The following BNC2 variants were observed in gnomAD, a reference collection of about 807,000 sequenced individuals.
BNC2 encodes zinc finger protein basonuclin-2.
Under a neutral mutation model 76.3 loss-of-function variants are expected in BNC2, and 20 were observed. The ratio of observed to expected loss-of-function variants is 0.26; its 90% CI spans 0.18 to 0.38. The LOEUF (loss-of-function observed/expected upper bound fraction) is 0.38, where lower values mean the gene tolerates loss of function less well. BNC2 is among the 10% of genes least tolerant of loss of function. The pLI is 1.00. For synonymous variants in BNC2, 582 were observed against 514.8 expected, an observed-to-expected ratio of 1.13 and a Z score of -1.77; for missense variants, 1,382 against 1,399.8, an observed-to-expected ratio of 0.99 and a Z score of 0.20.
At chr9:16,715,126 T>C (rs917968948) in intron 3 of BNC2, among the ~76,000 whole-genome samples, 1 of 152,230 alleles carries the variant, frequency 6.6e-6, no homozygotes, top group Non-Finnish European at 1.5e-5. Context: ...AAAAGCTTTT[T>C]ATAGTTGAAT....
intron 5 of BNC2, among the ~76,000 whole-genome samples, chr9:16,485,573 A>C (rs1439014770): frequency 6.6e-6 from 1 of 152,196 alleles, no homozygotes; most frequent in East Asian, 1.9e-4. Flanking sequence ...CACTGGGCTC[A>C]TTTCATGTGG....
intron 1 of BNC2, among the ~76,000 whole-genome samples, chr9:16,813,597 T>C (rs1360366654): frequency 2.0e-5 from 3 of 152,166 alleles, no homozygotes; most frequent in Non-Finnish European, 2.9e-5. Flanking sequence ...CTTAAAAATC[T>C]ATCCTGAACC....
At chr9:16,437,615 G>A (rs900837076) in intron 5 of BNC2, 91 bp from the exon 6 acceptor site, 2 of 1,448,038 alleles carry the variant, frequency 1.4e-6, no homozygotes, top group Admixed American at 2.0e-5. Flanking sequence ...TGCTCTGTGT[G>A]CTCATAAAAC....
intron 5 of BNC2, among the ~76,000 whole-genome samples, chr9:16,536,859 G>C (rs1467841080): frequency 2.6e-5 from 4 of 152,050 alleles, no homozygotes; most frequent in Admixed American, 2.6e-4. Flanking sequence ...AACAAAAGCA[G>C]TTTTTATTAC....
chr9:16,799,401 A>T (rs1586893540), intron 1 of BNC2, among the ~76,000 whole-genome samples: 1 of 151,606 alleles, frequency 6.6e-6, no homozygotes, highest in African/African-American at 2.4e-5. Flanking sequence ...TGCAACCTCC[A>T]CCTCCCAGAT....
chr9:16,733,319 G>A (rs988779537), intron 2 of BNC2, among the ~76,000 whole-genome samples: 1 of 152,076 alleles, frequency 6.6e-6, no homozygotes, highest in Admixed American at 6.5e-5. Context: ...TTTTTCCCTT[G>A]TGAAACCTGC....
At chr9:16,627,472 G>A (rs533895883) in intron 3 of BNC2, among the ~76,000 whole-genome samples, 1 of 152,272 alleles carries the variant, frequency 6.6e-6, no homozygotes, top group South Asian at 2.1e-4. Context: ...GGTGATAACA[G>A]GCCAATATTC....
chr9:16,507,052 C>T (rs991874546), intron 5 of BNC2, among the ~76,000 whole-genome samples: 1 of 152,152 alleles, frequency 6.6e-6, no homozygotes, highest in Admixed American at 6.5e-5. Flanking sequence ...CCAAGCCCAG[C>T]CTACACTTCT....
intron 1 of BNC2, among the ~76,000 whole-genome samples, chr9:16,841,626 C>T (rs1264847989): frequency 6.6e-6 from 1 of 152,092 alleles, no homozygotes; most frequent in Non-Finnish European, 1.5e-5. Flanking sequence ...CTGTGGTATT[C>T]ACCATGCCTT....
chr9:16,671,552 T>G (rs977507510), intron 3 of BNC2, among the ~76,000 whole-genome samples: 1 of 152,252 alleles, frequency 6.6e-6, no homozygotes, highest in African/African-American at 2.4e-5. Flanking sequence ...AATTAGACTA[T>G]ATCCCAGAGT....
chr9:16,816,787 T>C (rs2135906594), intron 1 of BNC2, among the ~76,000 whole-genome samples: 1 of 152,326 alleles, frequency 6.6e-6, no homozygotes, highest in East Asian at 1.9e-4. Context: ...TATGTAGTCT[T>C]ACATGTGCGG....
intron 3 of BNC2, among the ~76,000 whole-genome samples, chr9:16,596,996 C>T (rs1303089870): frequency 2.0e-5 from 3 of 152,102 alleles, no homozygotes; most frequent in African/African-American, 4.8e-5. Flanking sequence ...TCTCAAAATG[C>T]TATTAGCTTC....
chr9:16,624,006 G>A (rs995798768), intron 3 of BNC2, among the ~76,000 whole-genome samples: 1 of 152,136 alleles, frequency 6.6e-6, no homozygotes, highest in African/African-American at 2.4e-5. Flanking sequence ...TTTTAGCCTA[G>A]TCAAGAATTT....
chr9:16,619,159 C>G (rs1587242122), intron 3 of BNC2, among the ~76,000 whole-genome samples: 1 of 152,006 alleles, frequency 6.6e-6, no homozygotes, highest in East Asian at 1.9e-4. Flanking sequence ...AGAGGTGACT[C>G]TGTTCAGGAG....
chr9:16,459,073 A>T (rs1193336297), intron 5 of BNC2, among the ~76,000 whole-genome samples: 1 of 152,238 alleles, frequency 6.6e-6, no homozygotes, highest in East Asian at 1.9e-4. Context: ...TCAAGAAGAA[A>T]TCCTTATTTA....
intron 1 of BNC2, among the ~76,000 whole-genome samples, chr9:16,744,052 C>T (rs1251052488): frequency 1.3e-5 from 2 of 152,226 alleles, no homozygotes; most frequent in South Asian, 2.1e-4. Context: ...CTGCAAGCTC[C>T]GCCTCCCGGG....
intron 3 of BNC2, among the ~76,000 whole-genome samples, chr9:16,641,400 CA>C (rs1438299311): frequency 1.3e-5 from 2 of 152,126 alleles, no homozygotes; most frequent in African/African-American, 4.8e-5. Flanking sequence ...CTGGGAAACA[CA>C]AAAATCTACA....
chr9:16,441,456 G>A (rs985694142), intron 5 of BNC2, among the ~76,000 whole-genome samples: 1 of 152,168 alleles, frequency 6.6e-6, no homozygotes, highest in African/African-American at 2.4e-5. Flanking sequence ...CTGTATCTTT[G>A]ACTAACCTCG....
chr9:16,788,305 G>A (rs1331278425), intron 1 of BNC2, among the ~76,000 whole-genome samples: 2 of 152,012 alleles, frequency 1.3e-5, no homozygotes, highest in African/African-American at 2.4e-5. Context: ...TGTAATCCCA[G>A]CACTCTGGGA....
Sources: allele counts gnomAD v4.1 joint callset (sites outside exome capture counted in the v4.1 genomes callset), GRCh38; gene constraint gnomAD v4.1.1; transcripts MANE v1.5; gene names NCBI Gene and HGNC (gene_info 2026-07-23, HGNC 2026-07-21).